Variants in INPP4B observed in about 807,000 individuals in gnomAD.
INPP4B encodes inositol polyphosphate-4-phosphatase type II B.
A neutral mutation model predicts 122.5 loss-of-function variants in INPP4B; 55 were observed. That is an observed-to-expected ratio of 0.45 (90% CI 0.36 to 0.56). The LOEUF is 0.56. Among genes scored for constraint, INPP4B ranks in the 20% least tolerant of loss-of-function variants. The probability of loss-of-function intolerance (pLI) is 0.00; values close to 1 mark genes in which losing one functional copy is unlikely to be tolerated. For missense variants in INPP4B, 1,000 were observed against 1,097.7 expected (o/e 0.91, Z 1.26); for synonymous variants, 403 against 388.7 (o/e 1.04, Z -0.43).
At chr4:142,092,008 TCCATA>T (rs1356457488) in intron 23 of INPP4B, among the ~76,000 whole-genome samples, 1 of 152,208 alleles carries the variant, frequency 6.6e-6, no homozygotes, top group Non-Finnish European at 1.5e-5. Flanking sequence ...ATTTGTGTGA[TCCATA>T]CCCCTTGAAA....
intron 2 of INPP4B, among the ~76,000 whole-genome samples, chr4:142,499,751 C>G (rs1823115687): frequency 6.6e-6 from 1 of 152,078 alleles, no homozygotes; most frequent in Admixed American, 6.6e-5. Context: ...TTCAATAATC[C>G]TCCAAGTATC....
At chr4:142,430,323 G>A (rs570837774) in intron 4 of INPP4B, among the ~76,000 whole-genome samples, 1 of 152,114 alleles carries the variant, frequency 6.6e-6, no homozygotes, top group East Asian at 1.9e-4. Context: ...AACTTGAAAT[G>A]TCTGCGTTTT....
At chr4:142,424,755 C>T (rs1309800924) in intron 5 of INPP4B, among the ~76,000 whole-genome samples, 2 of 151,786 alleles carry the variant, frequency 1.3e-5, no homozygotes, top group African/African-American at 4.8e-5. Flanking sequence ...TTCTTTCATC[C>T]CTCCTGAATT....
intron 23 of INPP4B, among the ~76,000 whole-genome samples, chr4:142,097,424 T>G (rs1782440847): frequency 6.6e-6 from 1 of 151,742 alleles, no homozygotes. Flanking sequence ...CTGGCTAATT[T>G]TTTGTATTTT....
At chr4:142,572,734 T>A (rs2150165839) in intron 2 of INPP4B, among the ~76,000 whole-genome samples, 1 of 152,152 alleles carries the variant, frequency 6.6e-6, no homozygotes, top group East Asian at 1.9e-4. Context: ...TCAGTACCCC[T>A]CTTTAATTGT....
intron 2 of INPP4B, among the ~76,000 whole-genome samples, chr4:142,597,190 T>G (rs77038689): frequency 0.024 from 3,677 of 152,318 alleles, 58 homozygotes; most frequent in Middle Eastern, 0.088. Context: ...CCCCGGAACT[T>G]GTAGGAGTTC....
At chr4:142,150,722 C>T (rs983722817) in intron 17 of INPP4B, among the ~76,000 whole-genome samples, 4 of 152,074 alleles carry the variant, frequency 2.6e-5, no homozygotes, top group South Asian at 2.1e-4. Context: ...TGATGGACGT[C>T]GCCAGGGGGA....
At chr4:142,613,869 T>A (rs1481629672) in intron 2 of INPP4B, among the ~76,000 whole-genome samples, 1 of 152,168 alleles carries the variant, frequency 6.6e-6, no homozygotes, top group Non-Finnish European at 1.5e-5. Context: ...TTGCAAATGG[T>A]AAGTCCTCCA....
At chr4:142,535,262 G>T (rs563402856) in intron 2 of INPP4B, among the ~76,000 whole-genome samples, 1 of 152,290 alleles carries the variant, frequency 6.6e-6, no homozygotes, top group African/African-American at 2.4e-5. Flanking sequence ...TGAGAGTTTA[G>T]TTTATCCTCC....
At chr4:142,145,707 G>T in intron 18 of INPP4B, 133 bp downstream of exon 18, 1 of 809,914 alleles carries the variant, frequency 1.2e-6, no homozygotes, top group Non-Finnish European at 2.0e-6. Context: ...CCAAGCCAGA[G>T]CAGTGGAAAA....
At chr4:142,294,855 A>AAAAAAAAAAAAAAAAAAAC (rs1554029824) in intron 9 of INPP4B, among the ~76,000 whole-genome samples, 2 of 146,434 alleles carry the variant, frequency 1.4e-5, no homozygotes, top group Non-Finnish European at 3.0e-5. Context: ...AAAAAAAAAA[A>AAAAAAAAAAAAAAAAAAAC]AGGCAGACTT....
intron 7 of INPP4B, among the ~76,000 whole-genome samples, chr4:142,380,327 A>T (rs1227857986): frequency 9.9e-5 from 15 of 152,088 alleles, no homozygotes; most frequent in Non-Finnish European, 1.0e-4. Context: ...TTCTGCTCCG[A>T]CCCACCTTGG....
chr4:142,508,434 C>CTGGCTAATT (rs1824295494), intron 2 of INPP4B, among the ~76,000 whole-genome samples: 1 of 152,094 alleles, frequency 6.6e-6, no homozygotes, highest in Admixed American at 6.5e-5. Context: ...GCTACCATGC[C>CTGGCTAATT]TGGCTAATTT....
chr4:142,503,289 C>G (rs1823618541), intron 2 of INPP4B, among the ~76,000 whole-genome samples: 1 of 151,966 alleles, frequency 6.6e-6, no homozygotes, highest in Non-Finnish European at 1.5e-5. Flanking sequence ...AATGCTGGGA[C>G]AGTAAAAAGT....
At chr4:142,051,847 T>C (rs1249224784) in intron 25 of INPP4B, among the ~76,000 whole-genome samples, 1 of 152,050 alleles carries the variant, frequency 6.6e-6, no homozygotes, top group African/African-American at 2.4e-5. Context: ...TTTGTTTTGA[T>C]TTTTAACCTA....
intron 2 of INPP4B, among the ~76,000 whole-genome samples, chr4:142,621,763 TTATAAAAATATTATG>T (rs1744983240): frequency 6.6e-6 from 1 of 151,260 alleles, no homozygotes; most frequent in Admixed American, 6.6e-5. Flanking sequence ...CACACATACC[TTATAAAAATATTATG>T]TATAAAAATA....
At chr4:142,091,454 C>T (rs974763911) in intron 23 of INPP4B, among the ~76,000 whole-genome samples, 8 of 152,160 alleles carry the variant, frequency 5.3e-5, no homozygotes, top group Non-Finnish European at 1.0e-4. Context: ...TTATTAAATT[C>T]TGTGTCACCT....
intron 2 of INPP4B, among the ~76,000 whole-genome samples, chr4:142,561,974 C>CTCTTTT (rs915167625): frequency 3.3e-5 from 5 of 151,488 alleles, no homozygotes; most frequent in Non-Finnish European, 7.4e-5. Context: ...TTTTTTTGTT[C>CTCTTTT]TCTTTTTCTT....
At chr4:142,667,048 G>C (rs1266428568) in intron 2 of INPP4B, among the ~76,000 whole-genome samples, 2 of 152,068 alleles carry the variant, frequency 1.3e-5, no homozygotes, top group Non-Finnish European at 2.9e-5. Flanking sequence ...CAATCACTGT[G>C]GTCTGGCATT....
Sources: allele counts gnomAD v4.1 joint callset (sites outside exome capture counted in the v4.1 genomes callset), GRCh38; gene constraint gnomAD v4.1.1; transcripts MANE v1.5; gene names NCBI Gene and HGNC (gene_info 2026-07-23, HGNC 2026-07-21).